The following NRG3 variants were observed in gnomAD, a reference collection of about 807,000 sequenced individuals.
The protein encoded by NRG3 is pro-neuregulin-3, membrane-bound isoform.
Under a neutral mutation model 66.9 loss-of-function variants are expected in NRG3, and 31 were observed. That is an observed-to-expected ratio of 0.46 (90% CI 0.35 to 0.63). The LOEUF (loss-of-function observed/expected upper bound fraction) is 0.63. NRG3 is among the 20% of genes least tolerant of loss of function. The pLI is 0.00. For synonymous variants in NRG3, 393 were observed against 359.4 expected, an observed-to-expected ratio of 1.09 and a Z score of -1.06; for missense variants, 910 against 878.9, an observed-to-expected ratio of 1.04 and a Z score of -0.45.
At position 82,207,949 on chromosome 10, in the gene NRG3, G is replaced by A. The variant is rs117091325; in HGVS notation, c.824-150790G>A. Among the ~76,000 whole-genome samples the A allele has an allele frequency of 9.2e-5, 14 of 152,186 alleles. No homozygotes were observed. In the East Asian group the frequency reaches 2.5e-3, roughly 27 times the overall value. On this transcript the variant is annotated intron_variant, in intron 1 of 8. Transcript: ENST00000372141. ...GCACACAGCCAAACCATATTACTGT[G>A]TAAAGAACTTACCACTTTTAAGAAT...
intron 2 of NRG3, among the ~76,000 whole-genome samples, chr10:82,554,577 G>C (rs1344331131): frequency 2.0e-5 from 3 of 152,100 alleles, no homozygotes; most frequent in African/African-American, 7.2e-5. Flanking sequence ...CTTTCCTGAA[G>C]GCTGCGACAT....
chr10:82,280,063 T>C lies in NRG3; in HGVS notation c.824-78676T>C, dbSNP rs530578350. On this transcript the variant is annotated intron_variant, in intron 1 of 8. Transcript: ENST00000372141. ...CAGTGGGCAGGGGGATCAGTTCTGA[T>C]TAACAGTTGAGGCAGTTACCTAATT... 3.5e-4 allele frequency among the ~76,000 whole-genome samples: 53 copies of C among 152,264 alleles called. No homozygotes were observed. In the South Asian group the frequency reaches 0.01, roughly 29 times the overall value.
intron 2 of NRG3, among the ~76,000 whole-genome samples, chr10:82,510,269 TC>T (rs1172946443): frequency 1.3e-5 from 2 of 152,176 alleles, no homozygotes; most frequent in African/African-American, 4.8e-5. Flanking sequence ...ACTAATCTTA[TC>T]ATTGTTTCCA....
Position 82,132,479 on chromosome 10 carries a change from GATAT to G in NRG3, c.824-226251_824-226248del, listed in dbSNP as rs373794605. On this transcript the variant is annotated intron_variant, in intron 1 of 8. Coordinates refer to ENST00000372141, the MANE Select transcript of NRG3 (RefSeq NM_001010848.4). The stretch of plus-strand genomic sequence containing the variant: ...TATATGATATATATGATATATATAT[GATAT>G]ATATATATGATATATATATATCATA... 1.9e-4 allele frequency among the ~76,000 whole-genome samples: 12 copies of G among 62,490 alleles called. 2 individuals are homozygous for G. Among genetic ancestry groups the G allele is most frequent in the Admixed American group, 1.6e-3 (8 of 4,918 alleles). The allele number at this position is 62,490 out of a possible 152,430, so 41.0% of individuals were successfully genotyped here.
At chr10:82,251,137 T>C (rs1410779460) in intron 1 of NRG3, among the ~76,000 whole-genome samples, 1 of 152,180 alleles carries the variant, frequency 6.6e-6, no homozygotes, top group Non-Finnish European at 1.5e-5. Flanking sequence ...TGGCTATGAA[T>C]AGTGAAAGTA....
Position 81,875,758 on chromosome 10 carries a change from C to T in NRG3, c.418C>T (p.Pro140Ser). The T allele has an allele frequency of 6.2e-7, 1 of 1,612,516 alleles. No homozygotes were observed. The highest frequency in any genetic ancestry group is 8.5e-7 in the Non-Finnish European group (1 of 1,179,726). ...TTTSTTSPATPSAGGAASSRT... is the reference protein window; with the variant it reads ...TTTSTTSPATSSAGGAASSRT... ...CACTTCCACCACGTCCCCCGCCACC[C>T]CCTCCGCCGGGGGTGCCGCCTCCTC... Residue 140 changes from proline (P) to serine (S), a missense_variant, in exon 1 of 9, where the codon CCC becomes TCC. By Grantham distance (74) the Pro-to-Ser change is moderately conservative. Coordinates refer to ENST00000372141, the MANE Select transcript of NRG3 (RefSeq NM_001010848.4). The surrounding 1 kb of genome is among the most constrained non-coding windows in gnomAD (Gnocchi z 5.3).
At chr10:82,350,143 A>C (rs76069476) in intron 1 of NRG3, among the ~76,000 whole-genome samples, 1,599 of 152,320 alleles carry the variant, frequency 0.01, 29 homozygotes, top group African/African-American at 0.036. Flanking sequence ...AAAAACCTTG[A>C]TTATTAGCCT....
chr10:82,872,040 A>ATAT (rs1841389949), intron 4 of NRG3, among the ~76,000 whole-genome samples: 1 of 152,122 alleles, frequency 6.6e-6, no homozygotes, highest in African/African-American at 2.4e-5. Context: ...TATATTAGGT[A>ATAT]TAGATATTTT....
At chr10:82,619,077 A>G (rs866638551) in intron 2 of NRG3, among the ~76,000 whole-genome samples, 5 of 152,048 alleles carry the variant, frequency 3.3e-5, no homozygotes, top group South Asian at 2.1e-4. Context: ...TTTTATTTTT[A>G]TCTATCATGT....
At chr10:82,324,591 A>T (rs775306407) in intron 1 of NRG3, among the ~76,000 whole-genome samples, 13 of 152,162 alleles carry the variant, frequency 8.5e-5, no homozygotes, top group Non-Finnish European at 1.8e-4. Flanking sequence ...ACTTTTGCTA[A>T]TTCCTACAAA....
intron 3 of NRG3, among the ~76,000 whole-genome samples, chr10:82,806,154 T>G (rs2061272331): frequency 6.6e-6 from 1 of 152,192 alleles, no homozygotes; most frequent in Non-Finnish European, 1.5e-5. Flanking sequence ...AGAAAGCAAG[T>G]GACACCTCAG....
At chr10:82,329,886 A>G (rs920219817) in intron 1 of NRG3, among the ~76,000 whole-genome samples, 4 of 152,172 alleles carry the variant, frequency 2.6e-5, no homozygotes, top group Admixed American at 2.0e-4. Flanking sequence ...TTCTGGTCCT[A>G]TGCTCCCTGA....
In NRG3 at chr10:82,681,784, C is replaced by T. The variant is rs541413900; in HGVS notation, c.954-56793C>T. Among the ~76,000 whole-genome samples, 7 of 152,360 alleles carry T rather than the reference C, an allele frequency of 4.6e-5. No homozygotes were observed. In the East Asian group the frequency reaches 1.3e-3, roughly 29 times the overall value. ...CAAAGCTGATAGAGTGCCTACAACA[C>T]TTCCTGCTCTGTAATAGGCACAACA... On this transcript the variant is annotated intron_variant, in intron 2 of 8. Coordinates refer to ENST00000372141, the MANE Select transcript of NRG3 (RefSeq NM_001010848.4).
At chr10:81,894,227 G>T (rs546674525) in intron 1 of NRG3, among the ~76,000 whole-genome samples, 1 of 152,224 alleles carries the variant, frequency 6.6e-6, no homozygotes, top group African/African-American at 2.4e-5. Flanking sequence ...TGTAGTCCCA[G>T]CTCCTCATGA....
At chr10:82,068,479 G>T (rs760842213) in intron 1 of NRG3, among the ~76,000 whole-genome samples, 1 of 152,188 alleles carries the variant, frequency 6.6e-6, no homozygotes, top group African/African-American at 2.4e-5. Context: ...CTTGAGAAGC[G>T]TACAGCTTAG....
At chr10:81,939,794 A>AT (rs1231926558) in intron 1 of NRG3, among the ~76,000 whole-genome samples, 2 of 142,802 alleles carry the variant, frequency 1.4e-5, no homozygotes. Flanking sequence ...GATCTTTATT[A>AT]TTTTTTCATT....
chr10:82,855,815 A>T (rs995227554), intron 3 of NRG3, among the ~76,000 whole-genome samples: 35 of 152,196 alleles, frequency 2.3e-4, no homozygotes, highest in African/African-American at 8.4e-4. Flanking sequence ...TAAGGGGAAA[A>T]ACCCTTAAAT....
chr10:82,774,405 CT>C (rs2059821182), intron 3 of NRG3, among the ~76,000 whole-genome samples: 1 of 152,034 alleles, frequency 6.6e-6, no homozygotes, highest in African/African-American at 2.4e-5. Flanking sequence ...CTAGGCTTTT[CT>C]TTGTTTAAAA....
chr10:82,948,137 T>C (rs1445331775), intron 4 of NRG3, among the ~76,000 whole-genome samples: 1 of 152,098 alleles, frequency 6.6e-6, no homozygotes, highest in African/African-American at 2.4e-5. Flanking sequence ...GATATGGCTA[T>C]ATATACTATT....
Sources: allele counts gnomAD v4.1 joint callset (sites outside exome capture counted in the v4.1 genomes callset), GRCh38; gene constraint gnomAD v4.1.1; non-coding constraint Gnocchi (gnomAD v3.1); transcripts MANE v1.5; gene names NCBI Gene and HGNC (gene_info 2026-07-23, HGNC 2026-07-21).